Variants in ATRN observed in about 807,000 individuals in gnomAD.
The protein encoded by ATRN is attractin, also known as attractin-2.
A neutral mutation model predicts 178.7 loss-of-function variants in ATRN; 54 were observed. That is an observed-to-expected ratio of 0.30 (90% CI 0.24 to 0.38). The LOEUF is 0.38. Ranked by LOEUF, ATRN falls within the 10% of genes least tolerant of loss-of-function variation. The pLI, the probability that ATRN is intolerant of heterozygous loss-of-function variation, is 1.00. For missense variants in ATRN, 1,443 were observed against 1,815.1 expected (o/e 0.79, Z 3.73); for synonymous variants, 636 against 663.0 (o/e 0.96, Z 0.63).
intron 4 of ATRN, 107 bp downstream of exon 4, chr20:3,545,997 C>A: frequency 8.1e-7 from 1 of 1,230,172 alleles, no homozygotes; most frequent in Non-Finnish European, 1.1e-6. Flanking sequence ...TAGCGTCAGG[C>A]AGTTTACATG....
chr20:3,633,193 C>T (rs1334660614), intron 25 of ATRN, among the ~76,000 whole-genome samples: 3 of 152,066 alleles, frequency 2.0e-5, no homozygotes, highest in Non-Finnish European at 4.4e-5. Flanking sequence ...GCAGAGAGGC[C>T]CAGAGATGAA....
At chr20:3,482,570 C>A (rs1303635157) in intron 1 of ATRN, among the ~76,000 whole-genome samples, 1 of 152,082 alleles carries the variant, frequency 6.6e-6, no homozygotes, top group Non-Finnish European at 1.5e-5. Context: ...CTCAGTTTTC[C>A]CTTTTGAACA....
chr20:3,535,836 A>G (rs576104282), intron 2 of ATRN, among the ~76,000 whole-genome samples: 1 of 151,878 alleles, frequency 6.6e-6, no homozygotes, highest in Non-Finnish European at 1.5e-5. Context: ...CACCATGTTA[A>G]CCAGGATGGT....
intron 22 of ATRN, 74 bp downstream of exon 22, chr20:3,598,074 G>A (rs1600143627): frequency 5.1e-6 from 5 of 979,828 alleles, no homozygotes; most frequent in East Asian, 4.8e-5. Context: ...ACGGATGGAC[G>A]TACTGCCTTA....
intron 24 of ATRN, among the ~76,000 whole-genome samples, chr20:3,614,922 C>A (rs750284766): frequency 2.0e-5 from 3 of 152,076 alleles, no homozygotes; most frequent in Non-Finnish European, 2.9e-5. Flanking sequence ...AAGGTTCACC[C>A]GTGTTTAGTA....
chr20:3,586,753 A>C (rs2086362798), intron 18 of ATRN, among the ~76,000 whole-genome samples: 1 of 152,220 alleles, frequency 6.6e-6, no homozygotes, highest in South Asian at 2.1e-4. Flanking sequence ...GAAATGTCCA[A>C]AGGCAGAAAG....
At chr20:3,530,367 G>A (rs2085436176) in intron 1 of ATRN, among the ~76,000 whole-genome samples, 1 of 150,486 alleles carries the variant, frequency 6.6e-6, no homozygotes, top group South Asian at 2.1e-4. Flanking sequence ...AGGTTCAAGC[G>A]ATTCTCCTCC....
intron 1 of ATRN, among the ~76,000 whole-genome samples, chr20:3,530,468 A>G (rs536165612): frequency 2.8e-5 from 4 of 144,620 alleles, no homozygotes; most frequent in African/African-American, 7.7e-5. Context: ...TTTAGTAGAG[A>G]TGGGTTTTTG....
intron 25 of ATRN, among the ~76,000 whole-genome samples, chr20:3,630,964 T>TTTTTTTTTTTTTTTTTTTTTTTTG (rs1307722255): frequency 2.7e-5 from 2 of 73,430 alleles, no homozygotes; most frequent in Non-Finnish European, 5.0e-5. Context: ...TTTTTTTTTT[T>TTTTTTTTTTTTTTTTTTTTTTTTG]GGGATAGGGT....
chr20:3,535,584 C>T (rs965467967), intron 2 of ATRN, among the ~76,000 whole-genome samples: 8 of 133,256 alleles, frequency 6.0e-5, no homozygotes, highest in African/African-American at 1.7e-4. Flanking sequence ...AGTTCAGAAA[C>T]GGTTACACAC....
chr20:3,578,794 T>A (rs375304443), intron 15 of ATRN, 22 bp downstream of exon 15: 9 of 1,597,444 alleles, frequency 5.6e-6, no homozygotes, highest in Non-Finnish European at 5.1e-6. Context: ...TCCTCAAAAC[T>A]TAAGTTTCTG....
intron 1 of ATRN, among the ~76,000 whole-genome samples, chr20:3,504,494 G>C (rs567010593): frequency 1.1e-3 from 162 of 141,146 alleles, no homozygotes; most frequent in African/African-American, 4.1e-3. Flanking sequence ...TGACCAACAT[G>C]GTGAAACCTC....
At chr20:3,535,588 TAC>T (rs11468707) in intron 2 of ATRN, among the ~76,000 whole-genome samples, 71,781 of 142,958 alleles carry the variant, frequency 0.5, 18,579 homozygotes, top group East Asian at 0.69. Context: ...CAGAAACGGT[TAC>T]ACACACACAC....
intron 18 of ATRN, among the ~76,000 whole-genome samples, chr20:3,588,711 C>T (rs570044142): frequency 3.9e-5 from 6 of 152,236 alleles, no homozygotes; most frequent in East Asian, 1.9e-4. Context: ...TAAGTTGGAA[C>T]GTATTCCTCC....
At chr20:3,479,329 G>C (rs151556) in intron 1 of ATRN, among the ~76,000 whole-genome samples, 15,862 of 152,206 alleles carry the variant, frequency 0.1, 1,208 homozygotes, top group African/African-American at 0.21. Context: ...CCTAAGAGAA[G>C]TTATAACTAT....
At chr20:3,546,124 TG>T (rs2085697483) in intron 4 of ATRN, among the ~76,000 whole-genome samples, 1 of 152,184 alleles carries the variant, frequency 6.6e-6, no homozygotes, top group South Asian at 2.1e-4. Context: ...AAGTAACTGG[TG>T]GGACCACAAT....
At chr20:3,494,751 G>A (rs2084855128) in intron 1 of ATRN, among the ~76,000 whole-genome samples, 1 of 152,180 alleles carries the variant, frequency 6.6e-6, no homozygotes, top group Non-Finnish European at 1.5e-5. Flanking sequence ...TGGAAATACA[G>A]CTTGGGCAGT....
At position 3,584,081 on chromosome 20, in the gene ATRN, C is replaced by T; in HGVS notation, c.2948C>T (p.Pro983Leu). 6.2e-7 allele frequency: 1 copy of T among 1,612,952 alleles called. No homozygotes were observed. Among genetic ancestry groups the T allele is most frequent in the Non-Finnish European group, 8.5e-7 (1 of 1,179,306 alleles). Residue 983 changes from proline to leucine, a missense_variant and splice_region_variant, in exon 17 of 29, where the codon CCC becomes CTC. Physicochemically the swap from Pro to Leu is moderately conservative, Grantham distance 98 (BLOSUM62 -3). Around this residue, in one of 4 missense-constraint regions of ATRN, gnomAD observed 212 missense variants for 330.7 expected, o/e 0.64. Transcript: ENST00000262919. ...GAATGGTATACGATGAGCACCTGCC[C>T]CCGTAAGTGAAAAAGGGAGCCCTAG... ...CMEWYTMSTC[P>L]PENCSGYCTC... is the part of the protein sequence containing the mutation.
At chr20:3,587,477 AT>A (rs57776247) in intron 18 of ATRN, among the ~76,000 whole-genome samples, 123,796 of 147,850 alleles carry the variant, frequency 0.84, 51,920 homozygotes, top group East Asian at 1. Flanking sequence ...TGTTGAAAAG[AT>A]TTTTTTTTTT....
Sources: gnomAD v4.1 joint callset for allele counts (sites outside exome capture counted in the v4.1 genomes callset) on GRCh38, gnomAD v4.1.1 for gene constraint, gnomAD v4.1.1 regional missense constraint, MANE v1.5 for transcripts, NCBI Gene and HGNC (gene_info 2026-07-23, HGNC 2026-07-21) for gene names.